The following RGR variants were observed in gnomAD, a reference collection of about 807,000 sequenced individuals.
The protein encoded by RGR is retinal G protein coupled receptor, also known as RPE-retinal G protein-coupled receptor.
In RGR, 30 loss-of-function variants were observed where a neutral mutation model predicts 28.6. The ratio of observed to expected loss-of-function variants is 1.05; its 90% CI spans 0.78 to 1.42. The LOEUF (loss-of-function observed/expected upper bound fraction) is 1.42. RGR is among the 40% of genes most tolerant of loss of function. The pLI is 0.00. For missense variants in RGR, 404 were observed against 375.6 expected, an observed-to-expected ratio of 1.08 and a Z score of -0.62; for synonymous variants, 180 against 156.4, an observed-to-expected ratio of 1.15 and a Z score of -1.13.
intron 1 of RGR, 70 bp from the exon 2 acceptor site, chr10:84,247,521 C>T: frequency 6.4e-7 from 1 of 1,572,764 alleles, no homozygotes; most frequent in South Asian, 1.1e-5. Context: ...TTCCATCCAC[C>T]CCACACACAC....
In RGR at chr10:84,252,914, C is replaced by A; in HGVS notation, c.416C>A (p.Ser139Tyr). 1 of 1,614,148 alleles carries A rather than the reference C, an allele frequency of 6.2e-7. No individual in the cohort carries two copies. Among genetic ancestry groups the A allele is most frequent in the Non-Finnish European group, 8.5e-7 (1 of 1,180,038 alleles). The change falls in exon 4 of 7, where the codon TCT (serine) becomes TAT (tyrosine). Residue 139 changes from serine (S) to tyrosine (Y), a missense_variant. Ser to Tyr is a moderately radical substitution (Grantham distance 144). Coordinates refer to ENST00000652092, the MANE Select transcript of RGR (RefSeq NM_001012720.2). ...VSLVLFVWLS[S>Y]AFWAALPLLG... ...CTGGTGCTCTTCGTGTGGCTGTCTT[C>A]TGCCTTCTGGGCAGCTCTGCCCCTT...
chr10:84,256,022 C>CT lies in RGR; in HGVS notation c.630+1591dup, dbSNP rs796550640. 5.7e-3 allele frequency among the ~76,000 whole-genome samples: 523 copies of CT among 92,224 alleles called. 2 individuals carry two copies. The highest frequency in any genetic ancestry group is 0.011 in the Middle Eastern group (1 of 94). 60.5% of individuals were successfully genotyped at this position (92,224 alleles called of 152,430 possible). A position where few individuals can be genotyped will look rare whatever the true frequency, so the allele number is the denominator to read the frequency against. Reference sequence around the variant, plus strand: ...ATAGGCGTGAGCTGCCGTGTCCAGCCTTTTTTTTTTTTCTTTGTTTCTTTT... The same window carrying CT: ...ATAGGCGTGAGCTGCCGTGTCCAGCCTTTTTTTTTTTTTCTTTGTTTCTTTT... On this transcript the variant is annotated intron_variant, in intron 5 of 6. Transcript: ENST00000652092.
chr10:84,251,225 A>C (rs1336129677), intron 3 of RGR, among the ~76,000 whole-genome samples: 1 of 152,070 alleles, frequency 6.6e-6, no homozygotes. Context: ...ACACAGCAAG[A>C]CTCTGTCTCA....
chr10:84,253,381 C>T (rs4933993), intron 4 of RGR, among the ~76,000 whole-genome samples: 5,637 of 152,256 alleles, frequency 0.037, 166 homozygotes, highest in East Asian at 0.12. Context: ...GAGGGAGCCA[C>T]GCCCTTGGTA....
chr10:84,257,794 C>A (rs1842905678), intron 5 of RGR, 99 bp from the exon 6 acceptor site: 2 of 949,354 alleles, frequency 2.1e-6, no homozygotes, highest in Non-Finnish European at 1.7e-6. Context: ...CTGGTCCATG[C>A]TGCCCCGCCC....
chr10:84,251,393 A>C (rs1200163629), intron 3 of RGR, among the ~76,000 whole-genome samples: 2 of 152,196 alleles, frequency 1.3e-5, no homozygotes, highest in Non-Finnish European at 2.9e-5. Context: ...GGCTTGAACA[A>C]TAGAAATTTA....
chr10:84,248,696 A>G (rs1842777502), intron 2 of RGR: 6 of 668,066 alleles, frequency 9.0e-6, no homozygotes, highest in Non-Finnish European at 1.6e-5. Context: ...CTATGGCCCA[A>G]CCATGGTGCA....
chr10:84,254,388 C>G lies in RGR; in HGVS notation c.575C>G (p.Thr192Arg), dbSNP rs767225913. The change falls in exon 5 of 7, where the codon ACG becomes AGG. Residue 192 changes from threonine (T) to arginine (R), a missense_variant. Thr to Arg is a moderately conservative substitution (Grantham distance 71). Transcript: ENST00000652092. ...FFNFAMPLFITITSYSLMEQK... is the reference protein window; with the variant it reads ...FFNFAMPLFIRITSYSLMEQK... Reference sequence around the variant, plus strand: ...AACTTCGCCATGCCCCTCTTCATCACGATCACTTCCTACAGTCTCATGGAG... The same window carrying G: ...AACTTCGCCATGCCCCTCTTCATCAGGATCACTTCCTACAGTCTCATGGAG... The G allele has an allele frequency of 6.2e-7, 1 of 1,614,186 alleles. No homozygotes were observed. The highest frequency in any genetic ancestry group is 1.7e-5 in the Admixed American group (1 of 60,028).
At position 84,257,972 on chromosome 10, in the gene RGR, C is replaced by G; in HGVS notation, c.710C>G (p.Ala237Gly). Residue 237 changes from alanine to glycine, a missense_variant, in exon 6 of 7, where the codon GCA becomes GGA. By Grantham distance (60) the Ala-to-Gly change is moderately conservative. Transcript: ENST00000652092. Reference sequence around the variant, plus strand: ...ATCCTGTATCTATACGCAGTCATCGCAGACGTGACTTCCATCTCCCCCAAA... The same window carrying G: ...ATCCTGTATCTATACGCAGTCATCGGAGACGTGACTTCCATCTCCCCCAAA... ...YAILYLYAVI[A>G]DVTSISPKLQ... 6.2e-7 allele frequency: 1 copy of G among 1,614,228 alleles called. No homozygotes were observed. The highest frequency in any genetic ancestry group is 8.5e-7 in the Non-Finnish European group (1 of 1,180,044).
Position 84,257,902 on chromosome 10 carries a change from A to C in RGR, c.640A>C (p.Thr214Pro), listed in dbSNP as rs766244696. 1.9e-6 allele frequency: 3 copies of C among 1,613,846 alleles called. No homozygotes were observed. The South Asian group carries it at 3.3e-5, about 18-fold the overall frequency. Residue 214 changes from threonine to proline, a missense_variant, in exon 6 of 7, where the codon ACT (threonine) becomes CCT (proline). Physicochemically the swap from Thr to Pro is conservative, Grantham distance 38. Coordinates refer to ENST00000652092, the MANE Select transcript of RGR (RefSeq NM_001012720.2). ...GACAATTTCTCCCCAGGTAAACACC[A>C]CTCTGCCAGCAAGGACGCTGCTGCT... Reference protein sequence around the residue: ...GKSGHLQVNTTLPARTLLLGW... With the variant: ...GKSGHLQVNTPLPARTLLLGW...
At chr10:84,249,188 A>C in intron 3 of RGR, 145 bp downstream of exon 3, 1 of 1,217,586 alleles carries the variant, frequency 8.2e-7, no homozygotes. Flanking sequence ...ATGCATAGGC[A>C]CTCATTTCAG....
At chr10:84,253,673 G>C (rs1842847688) in intron 4 of RGR, among the ~76,000 whole-genome samples, 2 of 152,174 alleles carry the variant, frequency 1.3e-5, no homozygotes, top group African/African-American at 4.8e-5. Flanking sequence ...TTAATCATGA[G>C]GCATCTGCAC....
At position 84,247,721 on chromosome 10, in the gene RGR, C is replaced by T. The variant is rs868505157; in HGVS notation, c.210C>T (p.Leu70=). The T allele has an allele frequency of 5.0e-6, 8 of 1,614,206 alleles. No homozygotes were observed. Among genetic ancestry groups the T allele is most frequent in the African/African-American group, 1.3e-5 (1 of 75,046 alleles). The part of the protein sequence containing the change: ...LADSGISLNA[L]VAATSSLLRR... ...ACAGTGGGATCAGCCTGAATGCCCT[C>T]GTTGCAGCCACATCCAGCCTTCTCC... Residue 70 remains leucine, a synonymous_variant, in exon 2 of 7, where the codon CTC becomes CTT. Coordinates refer to ENST00000652092, the MANE Select transcript of RGR (RefSeq NM_001012720.2).
At position 84,248,935 on chromosome 10, in the gene RGR, G is replaced by T. The variant is rs116754489; in HGVS notation, c.250G>T (p.Gly84Cys). Residue 84 changes from glycine to cysteine, a missense_variant, in exon 3 of 7, where the codon GGC becomes TGC. Gly to Cys is a radical substitution (Grantham distance 159). Coordinates refer to ENST00000652092, the MANE Select transcript of RGR (RefSeq NM_001012720.2). Reference protein sequence around the residue: ...TSSLLRRWPYGSDGCQAHGFQ... With the variant: ...TSSLLRRWPYCSDGCQAHGFQ... ...TGTCTCCCACAGGCGCTGGCCCTAC[G>T]GCTCGGACGGCTGCCAGGCTCACGG... 6.2e-7 allele frequency: 1 copy of T among 1,614,142 alleles called. No homozygotes were observed. The highest frequency in any genetic ancestry group is 1.1e-5 in the South Asian group (1 of 91,080).
intron 5 of RGR, chr10:84,255,485 A>C (rs1842871537): frequency 6.6e-6 from 1 of 152,238 alleles, no homozygotes; most frequent in African/African-American, 2.4e-5. Context: ...GGTGCCCAAA[A>C]GATAAAAATC....
intron 2 of RGR, chr10:84,248,680 G>C: frequency 1.6e-6 from 1 of 617,190 alleles, no homozygotes; most frequent in East Asian, 2.8e-5. Context: ...ATCACGCAGA[G>C]AGAGCCTATG....
At chr10:84,247,875 A>T in intron 2 of RGR, 128 bp downstream of exon 2, 1 of 1,330,338 alleles carries the variant, frequency 7.5e-7, no homozygotes, top group South Asian at 1.2e-5. Flanking sequence ...GAGGGTGGGC[A>T]GGCTAAAATG....
chr10:84,248,775 A>C, intron 2 of RGR, 147 bp from the exon 3 acceptor site: 1 of 1,459,560 alleles, frequency 6.9e-7, no homozygotes, highest in Admixed American at 1.7e-5. Flanking sequence ...TTGAGCTCCA[A>C]CGCCTCATAG....
In RGR at chr10:84,245,066, C is replaced by A; in HGVS notation, c.-25C>A. On this transcript the variant is annotated 5_prime_UTR_variant, in exon 1 of 7. Transcript: ENST00000652092. ...CTGTGGGAAGCCAGAGACAGCTGGG[C>A]CACTGGCAGTGAGGGAGAGTGAGGA... 1.2e-6 allele frequency: 2 copies of A among 1,610,816 alleles called. No individual in the cohort carries two copies. Among genetic ancestry groups the A allele is most frequent in the Non-Finnish European group, 1.7e-6 (2 of 1,177,524 alleles).
Sources: gnomAD v4.1 joint callset for allele counts (sites outside exome capture counted in the v4.1 genomes callset) on GRCh38, gnomAD v4.1.1 for gene constraint, MANE v1.5 for transcripts, NCBI Gene and HGNC (gene_info 2026-07-23, HGNC 2026-07-21) for gene names.